The following RASA3 variants were observed in gnomAD, a reference collection of about 807,000 sequenced individuals.
The protein encoded by RASA3 is RAS p21 protein activator 3, also known as ras GTPase-activating protein 3.
RASA3 carries 73 observed loss-of-function variants against 110.0 expected under a neutral mutation model. That is an observed-to-expected ratio of 0.66 (90% CI 0.55 to 0.81). RASA3 has a LOEUF of 0.81. RASA3 is among the 30% of genes least tolerant of loss of function. The pLI, the probability that RASA3 is intolerant of heterozygous loss-of-function variation, is 0.00. For missense variants in RASA3, 976 were observed against 1,113.2 expected (o/e 0.88, Z 1.75); for synonymous variants, 500 against 451.4 (o/e 1.11, Z -1.37).
intron 1 of RASA3, among the ~76,000 whole-genome samples, chr13:114,075,105 C>T (rs567653010): frequency 1.3e-5 from 2 of 152,032 alleles, no homozygotes; most frequent in South Asian, 2.1e-4. Flanking sequence ...ACAGGCACCA[C>T]GCTGAGACCA....
intron 1 of RASA3, among the ~76,000 whole-genome samples, chr13:114,116,325 A>G (rs9525272): frequency 0.37 from 56,405 of 151,814 alleles, 10,875 homozygotes; most frequent in Non-Finnish European, 0.42. Context: ...TACCGTCCTC[A>G]CTATTAACCT....
chr13:114,048,140 C>G lies in RASA3; in HGVS notation c.277+3912G>C, dbSNP rs183401028. ...ACCACCTTGGCTAACACGGTGAAAC[C>G]CCGTCTCTACTGAAAATACAAAAAA... On this transcript the variant is annotated intron_variant, in intron 3 of 23. Coordinates refer to ENST00000334062, the MANE Select transcript of RASA3 (RefSeq NM_007368.4). The surrounding 1 kb of genome is among the most constrained non-coding windows in gnomAD (Gnocchi z 4.3). Among the ~76,000 whole-genome samples the G allele has an allele frequency of 5.1e-4, 77 of 152,140 alleles. No homozygotes were observed. In the East Asian group the frequency reaches 7.0e-3, roughly 14 times the overall value.
chr13:114,042,708 G>A (rs1463868665), intron 3 of RASA3, among the ~76,000 whole-genome samples: 2 of 152,196 alleles, frequency 1.3e-5, no homozygotes, highest in Non-Finnish European at 2.9e-5. Context: ...TTATATTTCC[G>A]TGTCTCAAAA....
chr13:114,099,228 A>G (rs2079990207), intron 1 of RASA3, among the ~76,000 whole-genome samples: 1 of 151,818 alleles, frequency 6.6e-6, no homozygotes, highest in Non-Finnish European at 1.5e-5. Context: ...TCAAGGTCAG[A>G]ACAGCAGTGA....
intron 1 of RASA3, among the ~76,000 whole-genome samples, chr13:114,097,122 T>A (rs2079956836): frequency 6.6e-6 from 1 of 152,108 alleles, no homozygotes; most frequent in Non-Finnish European, 1.5e-5. Flanking sequence ...TGTGCACACA[T>A]CCCCTCCTGA....
intron 4 of RASA3, among the ~76,000 whole-genome samples, chr13:114,030,544 A>G (rs28667161): frequency 0.52 from 48,821 of 94,702 alleles, 11,757 homozygotes; most frequent in Middle Eastern, 0.62. Context: ...AGAGGGCAAG[A>G]CTCACACAGA....
intron 1 of RASA3, among the ~76,000 whole-genome samples, chr13:114,087,798 C>T (rs893121823): frequency 2.6e-5 from 4 of 152,234 alleles, no homozygotes; most frequent in African/African-American, 7.2e-5. Flanking sequence ...ACACACACAG[C>T]CTGATTCTGG....
Position 114,078,174 on chromosome 13 carries a change from G to A in RASA3, c.56-4337C>T, listed in dbSNP as rs114407192. On this transcript the variant is annotated intron_variant, in intron 1 of 23. Coordinates refer to ENST00000334062, the MANE Select transcript of RASA3 (RefSeq NM_007368.4). ...CGTGTGTGCCACATGCACCAGGACC[G>A]AGCCTCTCCCTGCAGCCCCACAGCT... Among the ~76,000 whole-genome samples the A allele has an allele frequency of 4.4e-3, 677 of 152,290 alleles. 7 individuals carry two copies. Among genetic ancestry groups the A allele is most frequent in the African/African-American group, 0.015 (634 of 41,560 alleles).
At position 114,057,704 on chromosome 13, in the gene RASA3, G is replaced by A. The variant is rs541589333; in HGVS notation, c.174-5549C>T. Among the ~76,000 whole-genome samples, 15 of 152,242 alleles carry A rather than the reference G, an allele frequency of 9.9e-5. No individual in the cohort carries two copies. The South Asian group carries it at 2.9e-3, about 29-fold the overall frequency. On this transcript the variant is annotated intron_variant, in intron 2 of 23. Coordinates refer to ENST00000334062, the MANE Select transcript of RASA3 (RefSeq NM_007368.4). This position sits in a 1 kb window ranked among gnomAD's most constrained non-coding sequence, Gnocchi z 5.0. ...CCAGCTCAAGGAGGAGAGTGGAGGC[G>A]GTTCCCCACCTTCTGGGGGCAGTTA...
chr13:114,007,971 C>T (rs1289227057), intron 17 of RASA3, among the ~76,000 whole-genome samples: 4 of 119,084 alleles, frequency 3.4e-5, no homozygotes, highest in Non-Finnish European at 5.4e-5. Context: ...GGAGGTTGCC[C>T]CCACGCACCG....
Position 114,052,265 on chromosome 13 carries a change from A to G in RASA3, c.174-110T>C, listed in dbSNP as rs2079158062. ...TAAACATGCCATAAGAATGCCCTGC[A>G]CTGTGTGGCACGCATGAGACATGAA... On this transcript the variant is annotated intron_variant, in intron 2 of 23. Coordinates refer to ENST00000334062, the MANE Select transcript of RASA3 (RefSeq NM_007368.4). 12 of 681,022 alleles carry G rather than the reference A, an allele frequency of 1.8e-5. 1 individual carries two copies. In the South Asian group the frequency reaches 2.1e-4, roughly 12 times the overall value. 42.2% of individuals were successfully genotyped at this position (681,022 alleles called of 1,614,324 possible).
At chr13:114,009,935 CG>C (rs570808632) in intron 16 of RASA3, among the ~76,000 whole-genome samples, 1 of 152,146 alleles carries the variant, frequency 6.6e-6, no homozygotes, top group Non-Finnish European at 1.5e-5. Context: ...CCCAGGGATT[CG>C]GGGGGGCCTT....
intron 3 of RASA3, among the ~76,000 whole-genome samples, chr13:114,045,619 C>T (rs188555068): frequency 6.6e-6 from 1 of 152,172 alleles, no homozygotes; most frequent in East Asian, 1.9e-4. Flanking sequence ...AGCCTTTATT[C>T]ATAGAATGTA....
chr13:114,090,507 C>T (rs2079876643), intron 1 of RASA3, among the ~76,000 whole-genome samples: 1 of 152,172 alleles, frequency 6.6e-6, no homozygotes, highest in Non-Finnish European at 1.5e-5. Flanking sequence ...GCAAAAGGTC[C>T]ACAACACATC....
In RASA3 at chr13:114,072,657, G is replaced by A. The variant is rs562823655; in HGVS notation, c.173+1063C>T. Reference sequence around the variant, plus strand: ...CCTACATGCACTTCCTGGACAGCGGGAGCATTTAGCCAACACCAGTTCACA... The same window carrying A: ...CCTACATGCACTTCCTGGACAGCGGAAGCATTTAGCCAACACCAGTTCACA... On this transcript the variant is annotated intron_variant, in intron 2 of 23. Coordinates refer to ENST00000334062, the MANE Select transcript of RASA3 (RefSeq NM_007368.4). Among the ~76,000 whole-genome samples the A allele has an allele frequency of 1.2e-4, 19 of 152,296 alleles. 1 individual carries two copies. The South Asian group carries it at 3.9e-3, about 32-fold the overall frequency.
At chr13:114,039,026 A>T (rs7321504) in intron 4 of RASA3, among the ~76,000 whole-genome samples, 107,683 of 152,234 alleles carry the variant, frequency 0.71, 38,923 homozygotes, top group African/African-American at 0.87. Context: ...CACACGCCAT[A>T]CCAGCACGCT....
rs2053970674 is a variant in RASA3, at chr13:114,023,532, G to A, written c.680+747C>T. Among the ~76,000 whole-genome samples, 3 of 152,226 alleles carry A rather than the reference G, an allele frequency of 2.0e-5. No homozygotes were observed. In the South Asian group the frequency reaches 6.2e-4, roughly 32 times the overall value. On this transcript the variant is annotated intron_variant, in intron 8 of 23. Transcript: ENST00000334062. ...CAGAGGCTACGTTCAAAAATAAACA[G>A]GAATCCAGCTTATTTTCACTGGGAG...
intron 1 of RASA3, among the ~76,000 whole-genome samples, chr13:114,111,879 C>A (rs1045440699): frequency 6.6e-6 from 1 of 152,206 alleles, no homozygotes; most frequent in Admixed American, 6.5e-5. Flanking sequence ...AGAGGATCAT[C>A]GGATCCTGTG....
At chr13:114,043,387 A>C (rs1238901504) in intron 3 of RASA3, among the ~76,000 whole-genome samples, 1 of 151,978 alleles carries the variant, frequency 6.6e-6, no homozygotes. Context: ...AGCCGGCTGC[A>C]CCTCACACCA....
Sources: gnomAD v4.1 joint callset for allele counts (sites outside exome capture counted in the v4.1 genomes callset) on GRCh38, gnomAD v4.1.1 for gene constraint, Gnocchi (gnomAD v3.1) non-coding constraint, MANE v1.5 for transcripts, NCBI Gene and HGNC (gene_info 2026-07-23, HGNC 2026-07-21) for gene names.